IFT80: variants seen among roughly 807,000 people sequenced by gnomAD.
IFT80 encodes the protein intraflagellar transport 80.
IFT80 carries 79 observed loss-of-function variants against 107.9 expected under a neutral mutation model. The ratio of observed to expected loss-of-function variants is 0.73; its 90% CI spans 0.61 to 0.88. IFT80 has a LOEUF of 0.88. IFT80 is among the 40% of genes least tolerant of loss of function. IFT80 has a pLI of 0.00. For missense variants in IFT80, 797 were observed against 914.2 expected, an observed-to-expected ratio of 0.87 and a Z score of 1.65; for synonymous variants, 299 against 300.9, an observed-to-expected ratio of 0.99 and a Z score of 0.07.
rs10936199 is a variant in IFT80 at position 160,277,157 on chromosome 3, T to C, written c.2099+149A>G. 0.25 allele frequency: 180,872 copies of C among 731,444 alleles called. 25,661 individuals carry two copies. The highest frequency in any genetic ancestry group is 0.49 in the African/African-American group (27,797 of 57,010). The allele number at this position is 731,444 out of a possible 1,614,324, so 45.3% of individuals were successfully genotyped here. On this transcript the variant is annotated intron_variant, in intron 18 of 19. Transcript: ENST00000326448. ...AAAAGTTCAGAGAAGAAATAAATTG[T>C]AAACTATTCACAAATATGAATATGA... is the stretch of plus-strand genomic sequence containing the variant.
chr3:160,331,313 G>A (rs1022413554), intron 8 of IFT80, among the ~76,000 whole-genome samples: 2 of 152,168 alleles, frequency 1.3e-5, no homozygotes, highest in Non-Finnish European at 2.9e-5. Flanking sequence ...CATGTCCTGG[G>A]AAAACAAAGT....
chr3:160,315,729 G>A (rs1342317589), intron 9 of IFT80, among the ~76,000 whole-genome samples: 1 of 152,132 alleles, frequency 6.6e-6, no homozygotes, highest in Non-Finnish European at 1.5e-5. Context: ...GGAATATGGA[G>A]AGTGGGAGGG....
chr3:160,356,071 T>C lies in IFT80; in HGVS notation c.719A>G (p.Asp240Gly), dbSNP rs1218930601. 1 of 1,614,170 alleles carries C rather than the reference T, an allele frequency of 6.2e-7. No homozygotes were observed. The highest frequency in any genetic ancestry group is 8.5e-7 in the Non-Finnish European group (1 of 1,179,998). ...HPITSVAWAPDGELFAVGSFH... is the reference protein window; with the variant it reads ...HPITSVAWAPGGELFAVGSFH... ...CGATCCAACAGCAAATAATTCTCCA[T>C]CTGGAGCCCAGGCAACTGAAGTAAT... The change falls in exon 8 of 20, where the codon GAT (aspartate) becomes GGT (glycine). Residue 240 changes from aspartate (D) to glycine (G), a missense_variant. Transcript: ENST00000326448.
At chr3:160,310,956 C>CA (rs890390310) in intron 9 of IFT80, among the ~76,000 whole-genome samples, 3 of 151,876 alleles carry the variant, frequency 2.0e-5, no homozygotes, top group Non-Finnish European at 2.9e-5. Flanking sequence ...CCTGTCTCTA[C>CA]AAAAAACAAA....
At chr3:160,386,286 G>A (rs983054896) in intron 1 of IFT80, among the ~76,000 whole-genome samples, 1 of 152,144 alleles carries the variant, frequency 6.6e-6, no homozygotes, top group Non-Finnish European at 1.5e-5. Context: ...ATGTGGGATT[G>A]AATGAGGGAA....
chr3:160,356,733 C>G (rs1721118961), intron 7 of IFT80, among the ~76,000 whole-genome samples: 1 of 152,132 alleles, frequency 6.6e-6, no homozygotes, highest in Non-Finnish European at 1.5e-5. Context: ...ATTGCCTAGG[C>G]TATTCTCCAA....
rs766354291 is a variant in IFT80, at chr3:160,307,777, C to G, written c.962G>C (p.Arg321Pro). ...TLTKRRAMQVRNVLNDAVDLL... is the reference protein window; with the variant it reads ...TLTKRRAMQVPNVLNDAVDLL... ...ATCCACTGCATCATTAAGAACATTA[C>G]GAACCTAAACAAGGAAAAATAAAAT... is the stretch of plus-strand genomic sequence containing the variant. The change falls in exon 10 of 20, where the codon CGT (arginine) becomes CCT (proline). Residue 321 changes from arginine to proline, a missense_variant. Coordinates refer to ENST00000326448, the MANE Select transcript of IFT80 (RefSeq NM_020800.3). 2.7e-6 allele frequency: 4 copies of G among 1,477,124 alleles called. No homozygotes were observed. The South Asian group carries it at 4.5e-5, about 17-fold the overall frequency. The allele number at this position is 1,477,124 out of a possible 1,614,324, so 91.5% of individuals were successfully genotyped here. A position where few individuals can be genotyped will look rare whatever the true frequency, so the allele number is the denominator to read the frequency against.
At position 160,327,312 on chromosome 3, in the gene IFT80, A is replaced by C. The variant is rs569626867; in HGVS notation, c.778-7373T>G. On this transcript the variant is annotated intron_variant, in intron 8 of 19. Coordinates refer to ENST00000326448, the MANE Select transcript of IFT80 (RefSeq NM_020800.3). The stretch of plus-strand genomic sequence containing the variant: ...ACTACCATTGATATTCTTCACAGAA[A>C]TAGAAAAAAACTATTTTAAAATTCA... Among the ~76,000 whole-genome samples the C allele has an allele frequency of 1.3e-4, 20 of 152,274 alleles. No individual in the cohort carries two copies. The South Asian group carries it at 3.5e-3, about 27-fold the overall frequency.
intron 19 of IFT80, among the ~76,000 whole-genome samples, chr3:160,260,902 T>C (rs960587421): frequency 6.6e-6 from 1 of 152,228 alleles, no homozygotes; most frequent in Non-Finnish European, 1.5e-5. Context: ...ACAGAGAATA[T>C]AGTGGCCATG....
intron 3 of IFT80, 64 bp downstream of exon 3, chr3:160,381,439 A>G: frequency 2.4e-6 from 3 of 1,235,022 alleles, no homozygotes; most frequent in Non-Finnish European, 3.6e-6. Context: ...AACTCAAAGC[A>G]TAAATCATAC....
intron 4 of IFT80, among the ~76,000 whole-genome samples, 170 bp from the exon 5 acceptor site, chr3:160,376,050 G>A (rs1711993960): frequency 6.6e-6 from 1 of 152,106 alleles, no homozygotes; most frequent in African/African-American, 2.4e-5. Context: ...CAGTTTAAAT[G>A]ACAGAGTACT....
intron 13 of IFT80, among the ~76,000 whole-genome samples, chr3:160,284,723 T>C (rs1162705240): frequency 6.6e-6 from 1 of 152,100 alleles, no homozygotes; most frequent in Non-Finnish European, 1.5e-5. Context: ...TGTTATACCA[T>C]ACAGTGGGAG....
intron 12 of IFT80, among the ~76,000 whole-genome samples, chr3:160,297,098 T>C (rs1413073171): frequency 6.6e-6 from 1 of 152,160 alleles, no homozygotes; most frequent in Non-Finnish European, 1.5e-5. Flanking sequence ...TGTTGTGAAG[T>C]AGGTGAAGTT....
intron 1 of IFT80, among the ~76,000 whole-genome samples, chr3:160,388,360 C>G (rs545057459): frequency 2.0e-5 from 3 of 151,210 alleles, no homozygotes; most frequent in Non-Finnish European, 4.4e-5. Flanking sequence ...ACTCTGATAT[C>G]AAAACTGGAC....
Position 160,375,881 on chromosome 3 carries a change from C to G in IFT80, c.371-1G>C, listed in dbSNP as rs769745055. ...ATTTTTATTTGTCCATCTTCTCCAACTATACAGGGAAAAAAAAATTAATCA... is the reference window on the plus strand; with the variant it reads ...ATTTTTATTTGTCCATCTTCTCCAAGTATACAGGGAAAAAAAAATTAATCA... On this transcript the variant is annotated splice_acceptor_variant, in intron 4 of 19. Coordinates refer to ENST00000326448, the MANE Select transcript of IFT80 (RefSeq NM_020800.3). LOFTEE classifies it high-confidence loss of function. The G allele has an allele frequency of 1.4e-5, 22 of 1,597,240 alleles. No individual in the cohort carries two copies. In the East Asian group the frequency reaches 4.9e-4, roughly 36 times the overall value.
intron 1 of IFT80, among the ~76,000 whole-genome samples, chr3:160,394,827 G>T (rs1198609065): frequency 6.6e-6 from 1 of 152,118 alleles, no homozygotes; most frequent in Non-Finnish European, 1.5e-5. Context: ...TATGTTAAAT[G>T]AGAAAACCAA....
At chr3:160,272,332 TA>T (rs546824901) in intron 18 of IFT80, among the ~76,000 whole-genome samples, 17 of 152,050 alleles carry the variant, frequency 1.1e-4, no homozygotes, top group South Asian at 6.2e-4. Context: ...GTGGCTATGT[TA>T]AAAAAAATTT....
intron 1 of IFT80, among the ~76,000 whole-genome samples, chr3:160,386,065 A>G (rs1712907014): frequency 6.6e-6 from 1 of 152,264 alleles, no homozygotes; most frequent in Non-Finnish European, 1.5e-5. Context: ...ATTCCTGATG[A>G]GAATAAATCA....
chr3:160,375,952 T>G (rs1711982443), intron 4 of IFT80, 72 bp from the exon 5 acceptor site: 1 of 997,832 alleles, frequency 1.0e-6, no homozygotes, highest in Admixed American at 1.9e-5. Flanking sequence ...AATTTGCATA[T>G]AAGAATCAAC....
Sources: allele counts gnomAD v4.1 joint callset (sites outside exome capture counted in the v4.1 genomes callset), GRCh38; gene constraint gnomAD v4.1.1; transcripts MANE v1.5; gene names NCBI Gene and HGNC (gene_info 2026-07-23, HGNC 2026-07-21).